Variants in WDHD1 observed in about 807,000 individuals in gnomAD.
WDHD1 encodes the protein WD repeat and HMG-box DNA binding protein 1, also known as WD repeat and HMG-box DNA-binding protein 1.
A neutral mutation model predicts 135.4 loss-of-function variants in WDHD1; 111 were observed. The ratio of observed to expected loss-of-function variants is 0.82; its 90% CI spans 0.70 to 0.96. WDHD1 has a LOEUF of 0.96. WDHD1 is among the 40% of genes least tolerant of loss of function. The pLI is 0.00. For synonymous variants in WDHD1, 434 were observed against 439.0 expected (o/e 0.99, Z 0.14); for missense variants, 1,351 against 1,336.3 (o/e 1.01, Z -0.17).
intron 24 of WDHD1, among the ~76,000 whole-genome samples, chr14:54,947,740 A>C (rs1215257921): frequency 1.3e-5 from 2 of 151,872 alleles, no homozygotes; most frequent in Non-Finnish European, 2.9e-5. Flanking sequence ...TACAGGCATG[A>C]GCCACCATAC....
In WDHD1 at chr14:54,984,777, G is replaced by A; in HGVS notation, c.1852C>T (p.Pro618Ser). ...TAGGATTTCCTTGTAAGAGGAAGAG[G>A]GTCACCATGCAAAATTTGTTTTTTC... ...KKKKQILHGD[P>S]LPLTRKSYLA... The change falls in exon 15 of 26, where the codon CCT becomes TCT. Residue 618 changes from proline to serine, a missense_variant. Physicochemically the swap from Pro to Ser is moderately conservative, Grantham distance 74. This residue lies in a region of WDHD1 where 1,330 missense variants were observed against 1,296.1 expected (regional missense o/e 1.03). Coordinates refer to ENST00000360586, the MANE Select transcript of WDHD1 (RefSeq NM_007086.4). 1 of 1,613,558 alleles carries A rather than the reference G, an allele frequency of 6.2e-7. No homozygotes were observed.
rs746458827 is a variant in WDHD1, at chr14:54,987,378, G to A, written c.1536C>T (p.His512=). The change falls in exon 14 of 26, where the codon CAC becomes CAT. Residue 512 remains histidine, a synonymous_variant. Transcript: ENST00000360586. ...ESTDELASKL[H]CLHFSSWDSS... ...AATCCCAAGAACTAAAGTGCAGGCAGTGAAGCTTGCTAAAAATTAAAACAA... is the reference window on the plus strand; with the variant it reads ...AATCCCAAGAACTAAAGTGCAGGCAATGAAGCTTGCTAAAAATTAAAACAA... 2.5e-6 allele frequency: 4 copies of A among 1,611,264 alleles called. No individual in the cohort carries two copies. The highest frequency in any genetic ancestry group is 1.3e-5 in the African/African-American group (1 of 74,608).
chr14:54,996,750 A>C (rs1566733816), intron 10 of WDHD1, among the ~76,000 whole-genome samples: 1 of 152,196 alleles, frequency 6.6e-6, no homozygotes, highest in South Asian at 2.1e-4. Flanking sequence ...TGAGAACACC[A>C]TTAACAGATT....
intron 24 of WDHD1, among the ~76,000 whole-genome samples, chr14:54,951,431 TC>T (rs2041051078): frequency 6.6e-6 from 1 of 151,906 alleles, no homozygotes; most frequent in Non-Finnish European, 1.5e-5. Flanking sequence ...ACACACACCC[TC>T]CCAAGACTAA....
intron 7 of WDHD1, chr14:55,004,842 A>G: frequency 2.0e-6 from 1 of 504,426 alleles, no homozygotes; most frequent in Non-Finnish European, 3.9e-6. Flanking sequence ...GTTCCTATGC[A>G]TTCAGTGGTC....
At chr14:54,946,506 G>C (rs542156032) in intron 24 of WDHD1, among the ~76,000 whole-genome samples, 3 of 152,272 alleles carry the variant, frequency 2.0e-5, no homozygotes, top group Admixed American at 6.5e-5. Context: ...TGTTTTAAGA[G>C]AAAGGGTCTT....
At chr14:54,985,721 A>G (rs982929585) in intron 14 of WDHD1, among the ~76,000 whole-genome samples, 1 of 152,248 alleles carries the variant, frequency 6.6e-6, no homozygotes, top group Admixed American at 6.5e-5. Flanking sequence ...ATGACAGTCC[A>G]AGAGATGACA....
At position 54,963,086 on chromosome 14, in the gene WDHD1, A is replaced by G. The variant is rs562923795; in HGVS notation, c.2397T>C (p.Tyr799=). ...GTATTAATTTCCGAGAGCGAGAAGCATATTTAATGGCTAAATTCACAGCAT... is the reference window on the plus strand; with the variant it reads ...GTATTAATTTCCGAGAGCGAGAAGCGTATTTAATGGCTAAATTCACAGCAT... The part of the protein sequence containing the change: ...TQNAVNLAIK[Y]ASRSRKLILA... The change falls in exon 19 of 26, where the codon TAT becomes TAC. Residue 799 remains tyrosine (Y), a synonymous_variant. Coordinates refer to ENST00000360586, the MANE Select transcript of WDHD1 (RefSeq NM_007086.4). 1 of 1,598,834 alleles carries G rather than the reference A, an allele frequency of 6.3e-7. No individual in the cohort carries two copies. Among genetic ancestry groups the G allele is most frequent in the South Asian group, 1.1e-5 (1 of 90,834 alleles).
intron 2 of WDHD1, 112 bp from the exon 3 acceptor site, chr14:55,013,708 C>T: frequency 1.3e-6 from 1 of 798,272 alleles, no homozygotes; most frequent in Non-Finnish European, 2.2e-6. Flanking sequence ...GAGTTCAAGA[C>T]TAGCCTGGAT....
chr14:55,018,637 T>C (rs1040529638), intron 2 of WDHD1, among the ~76,000 whole-genome samples: 7 of 152,210 alleles, frequency 4.6e-5, no homozygotes, highest in Non-Finnish European at 8.8e-5. Context: ...ATAAAAATAC[T>C]GAGGCTGAAG....
chr14:54,944,230 T>A, intron 25 of WDHD1, 102 bp downstream of exon 25: 2 of 1,474,802 alleles, frequency 1.4e-6, no homozygotes, highest in South Asian at 2.5e-5. Flanking sequence ...TGTGCTAGGA[T>A]TACAGGCATA....
chr14:54,995,828 T>C lies in WDHD1; in HGVS notation c.943-15A>G. 1 of 1,501,560 alleles carries C rather than the reference T, an allele frequency of 6.7e-7. No individual in the cohort carries two copies. The highest frequency in any genetic ancestry group is 8.9e-7 in the Non-Finnish European group (1 of 1,121,008). The allele number at this position is 1,501,560 out of a possible 1,614,324, so 93.0% of individuals were successfully genotyped here. A position where few individuals can be genotyped will look rare whatever the true frequency, so the allele number is the denominator to read the frequency against. On this transcript the variant is annotated splice_polypyrimidine_tract_variant and intron_variant, in intron 10 of 25. Transcript: ENST00000360586. ...CTGCTAGATACCTTGAACAAATTAA[T>C]ACAAATTATAAAGTAAAAGTGAATG...
intron 7 of WDHD1, chr14:55,005,415 C>T (rs1241784227): frequency 3.5e-6 from 2 of 569,066 alleles, no homozygotes; most frequent in Non-Finnish European, 6.8e-6. Flanking sequence ...CCAGTGGCAG[C>T]AGCAAACTTC....
In WDHD1 at chr14:54,941,550, C is replaced by A. The variant is rs768451350; in HGVS notation, c.3330G>T (p.Gln1110His). The change falls in exon 26 of 26, where the codon CAG becomes CAT. Residue 1110 changes from glutamine (Q) to histidine (H), a missense_variant. Around this residue, in one of 2 missense-constraint regions of WDHD1, gnomAD observed 1,330 missense variants for 1,296.1 expected, o/e 1.03. Transcript: ENST00000360586. Reference sequence around the variant, plus strand: ...GATTTGTAGAAAAATCTAAAGGTTTCTGCTTTTTAGACAAATTCAGGTTCT... The same window carrying A: ...GATTTGTAGAAAAATCTAAAGGTTTATGCTTTTTAGACAAATTCAGGTTCT... ...AKENLNLSKKQKPLDFSTNQK... is the reference protein window; with the variant it reads ...AKENLNLSKKHKPLDFSTNQK... 1 of 1,613,862 alleles carries A rather than the reference C, an allele frequency of 6.2e-7. No homozygotes were observed. The highest frequency in any genetic ancestry group is 1.1e-5 in the South Asian group (1 of 91,052).
At position 54,977,079 on chromosome 14, in the gene WDHD1, A is replaced by T. The variant is rs1365773044; in HGVS notation, c.2063+4461T>A. 5.9e-5 allele frequency among the ~76,000 whole-genome samples: 9 copies of T among 151,996 alleles called. No homozygotes were observed. The East Asian group carries it at 1.7e-3, about 29-fold the overall frequency. The stretch of plus-strand genomic sequence containing the variant: ...TGTTCCTATATTTTAATACAAAAAA[A>T]TAAGGTTGTTTTTTTTTTGCCAATA... On this transcript the variant is annotated intron_variant, in intron 16 of 25. Coordinates refer to ENST00000360586, the MANE Select transcript of WDHD1 (RefSeq NM_007086.4).
At position 54,966,510 on chromosome 14, in the gene WDHD1, T is replaced by C. The variant is rs1034437199; in HGVS notation, c.2275A>G (p.Lys759Glu). Residue 759 changes from lysine (K) to glutamate (E), a missense_variant, in exon 18 of 26, where the codon AAA (lysine) becomes GAA (glutamate). Lys to Glu is a moderately conservative substitution (Grantham distance 56). This residue lies in a region of WDHD1 where 1,330 missense variants were observed against 1,296.1 expected (regional missense o/e 1.03). Coordinates refer to ENST00000360586, the MANE Select transcript of WDHD1 (RefSeq NM_007086.4). ...TTCATTAAAAGTTCCTGTTGCTCTT[T>C]TGTTGCTTGATTTTTAGTGCTCTCT... ...YEESTKNQAT[K>E]EQQELLMKML... 1.2e-6 allele frequency: 2 copies of C among 1,605,954 alleles called. No homozygotes were observed. The highest frequency in any genetic ancestry group is 1.3e-5 in the African/African-American group (1 of 74,346).
intron 6 of WDHD1, 40 bp downstream of exon 6, chr14:55,008,276 A>C: frequency 6.3e-7 from 1 of 1,595,158 alleles, no homozygotes; most frequent in Non-Finnish European, 8.6e-7. Flanking sequence ...TTTATTACAG[A>C]AATGGGCAAA....
chr14:54,989,248 A>C (rs1368452178), intron 12 of WDHD1, 36 bp from the exon 13 acceptor site: 4 of 1,518,620 alleles, frequency 2.6e-6, no homozygotes, highest in Non-Finnish European at 3.6e-6. Flanking sequence ...AGTCTGAGAA[A>C]AACTGAAGCT....
intron 2 of WDHD1, 42 bp from the exon 3 acceptor site, chr14:55,013,638 T>C (rs778708775): frequency 1.4e-6 from 2 of 1,446,712 alleles, no homozygotes; most frequent in East Asian, 4.5e-5. Flanking sequence ...GGGCATGGTG[T>C]CTCATGCCTA....
Sources: allele counts gnomAD v4.1 joint callset (sites outside exome capture counted in the v4.1 genomes callset), GRCh38; gene constraint gnomAD v4.1.1; regional missense constraint gnomAD v4.1.1; transcripts MANE v1.5; gene names NCBI Gene and HGNC (gene_info 2026-07-23, HGNC 2026-07-21).